Variants in TMEM245 observed in about 807,000 individuals in gnomAD.
TMEM245 encodes protein CG-2.
TMEM245 carries 69 observed loss-of-function variants against 101.2 expected under a neutral mutation model. The observed-to-expected ratio is 0.68, with a 90% confidence interval of 0.56 to 0.83. TMEM245 has a LOEUF of 0.83. Ranked by LOEUF, TMEM245 falls within the 40% of genes least tolerant of loss-of-function variation. TMEM245 has a pLI of 0.00. For synonymous variants in TMEM245, 537 were observed against 449.8 expected (o/e 1.19, Z -2.45); for missense variants, 1,075 against 1,092.8 (o/e 0.98, Z 0.23).
chr9:109,020,809 A>G (rs191624702), intron 17 of TMEM245, among the ~76,000 whole-genome samples: 129 of 152,348 alleles, frequency 8.5e-4, no homozygotes, highest in Non-Finnish European at 9.0e-4. Context: ...GTTCCTTAAA[A>G]GAGAAGAGCA....
intron 9 of TMEM245, among the ~76,000 whole-genome samples, chr9:109,072,294 A>C (rs1488339488): frequency 6.6e-6 from 1 of 152,198 alleles, no homozygotes; most frequent in East Asian, 1.9e-4. Context: ...GCAGGCTCCT[A>C]GTTAAGCCCG....
At chr9:109,085,202 C>T (rs1408955411) in intron 7 of TMEM245, among the ~76,000 whole-genome samples, 1 of 152,192 alleles carries the variant, frequency 6.6e-6, no homozygotes, top group Non-Finnish European at 1.5e-5. Flanking sequence ...AATTCCTGGG[C>T]TCAAACAATC....
At chr9:109,061,772 T>A (rs1829021446) in intron 10 of TMEM245, among the ~76,000 whole-genome samples, 1 of 152,116 alleles carries the variant, frequency 6.6e-6, no homozygotes, top group South Asian at 2.1e-4. Flanking sequence ...TTTCACCATG[T>A]TGGCCAGGCT....
intron 7 of TMEM245, among the ~76,000 whole-genome samples, chr9:109,081,834 C>T (rs755115575): frequency 2.3e-4 from 35 of 152,186 alleles, no homozygotes; most frequent in Non-Finnish European, 4.1e-4. Context: ...CTGACATTAT[C>T]TTGCTATAAC....
intron 1 of TMEM245, among the ~76,000 whole-genome samples, chr9:109,111,991 G>A (rs1476326954): frequency 6.6e-6 from 1 of 152,030 alleles, no homozygotes; most frequent in African/African-American, 2.4e-5. Flanking sequence ...TTTGGCTTCT[G>A]GATTTTTTCC....
At chr9:109,112,626 G>C (rs1830596549) in intron 1 of TMEM245, among the ~76,000 whole-genome samples, 1 of 151,488 alleles carries the variant, frequency 6.6e-6, no homozygotes, top group Non-Finnish European at 1.5e-5. Flanking sequence ...AAAGAGCAAG[G>C]TACAGAGCTA....
intron 3 of TMEM245, among the ~76,000 whole-genome samples, chr9:109,099,697 G>A (rs1310668648): frequency 6.6e-6 from 1 of 152,180 alleles, no homozygotes; most frequent in Non-Finnish European, 1.5e-5. Context: ...AGATAACAAT[G>A]CTAGTGTACC....
In TMEM245 at chr9:109,119,413, G is replaced by A. The variant is rs1462410642; in HGVS notation, c.501C>T (p.Ser167=). 3 of 1,526,908 alleles carry A rather than the reference G, an allele frequency of 2.0e-6. No individual in the cohort carries two copies. Among genetic ancestry groups the A allele is most frequent in the Admixed American group, 2.0e-5 (1 of 50,140 alleles). The allele number at this position is 1,526,908 out of a possible 1,614,324, so 94.6% of individuals were successfully genotyped here. ...CCAGCAGCACCTGCACGCCCAAGTA[G>A]CTGCCGAGGCAGTAGAGGCCGTACA... ...PLLYGLYCLG[S]YLGVQVLLVH... Residue 167 remains serine (S), a synonymous_variant, in exon 1 of 18, where the codon AGC becomes AGT. Coordinates refer to ENST00000374586, the MANE Select transcript of TMEM245 (RefSeq NM_032012.4).
chr9:109,086,518 G>A (rs1829843216), intron 6 of TMEM245, among the ~76,000 whole-genome samples: 1 of 152,122 alleles, frequency 6.6e-6, no homozygotes, highest in African/African-American at 2.4e-5. Context: ...CTTACATAGA[G>A]CTCACTGTGT....
intron 9 of TMEM245, among the ~76,000 whole-genome samples, chr9:109,067,868 C>A (rs747684719): frequency 2.6e-5 from 4 of 152,186 alleles, no homozygotes; most frequent in Non-Finnish European, 4.4e-5. Flanking sequence ...TTATTCTTAA[C>A]TGTATCTTCT....
At chr9:109,082,643 A>G (rs1250075230) in intron 7 of TMEM245, among the ~76,000 whole-genome samples, 2 of 117,194 alleles carry the variant, frequency 1.7e-5, no homozygotes, top group Non-Finnish European at 3.7e-5. Flanking sequence ...AATAATGTAG[A>G]GCCTCTATTT....
At chr9:109,117,692 T>C (rs897285758) in intron 1 of TMEM245, among the ~76,000 whole-genome samples, 6 of 152,228 alleles carry the variant, frequency 3.9e-5, no homozygotes, top group African/African-American at 1.4e-4. Flanking sequence ...TTCAACTTCT[T>C]ACTCTAGCAT....
chr9:109,059,986 T>C (rs1374376050), intron 11 of TMEM245, among the ~76,000 whole-genome samples: 1 of 152,126 alleles, frequency 6.6e-6, no homozygotes, highest in Non-Finnish European at 1.5e-5. Context: ...TTGGGGCATA[T>C]TGGGTTAAAT....
At chr9:109,037,821 G>T (rs780741282) in intron 15 of TMEM245, among the ~76,000 whole-genome samples, 196 bp downstream of exon 15, 2 of 152,154 alleles carry the variant, frequency 1.3e-5, no homozygotes, top group Non-Finnish European at 2.9e-5. Flanking sequence ...GCTGGGTATG[G>T]TTCCAGCTGC....
chr9:109,036,502 C>T, intron 15 of TMEM245, 122 bp from the exon 16 acceptor site: 1 of 948,408 alleles, frequency 1.1e-6, no homozygotes. Context: ...TACTCACAAA[C>T]TCAAATATTA....
intron 1 of TMEM245, among the ~76,000 whole-genome samples, chr9:109,114,518 C>G (rs1830657525): frequency 6.6e-6 from 1 of 152,194 alleles, no homozygotes; most frequent in Non-Finnish European, 1.5e-5. Flanking sequence ...TGCCCAAGGT[C>G]ACAAAGTTAG....
At chr9:109,087,490 A>C (rs1191283038) in intron 5 of TMEM245, 148 bp from the exon 6 acceptor site, 1 of 781,936 alleles carries the variant, frequency 1.3e-6, no homozygotes, top group African/African-American at 1.8e-5. Context: ...GGTGGGACTC[A>C]AAGTACTCCC....
intron 9 of TMEM245, among the ~76,000 whole-genome samples, chr9:109,070,518 C>T (rs1192069250): frequency 6.6e-6 from 1 of 152,186 alleles, no homozygotes; most frequent in Non-Finnish European, 1.5e-5. Context: ...CTGAAACTGT[C>T]TACAGTTCAG....
At chr9:109,075,171 T>A (rs1829460390) in intron 8 of TMEM245, among the ~76,000 whole-genome samples, 1 of 152,228 alleles carries the variant, frequency 6.6e-6, no homozygotes, top group African/African-American at 2.4e-5. Context: ...GAGACCTATC[T>A]TACATTAACC....
Sources: allele counts gnomAD v4.1 joint callset (sites outside exome capture counted in the v4.1 genomes callset), GRCh38; gene constraint gnomAD v4.1.1; transcripts MANE v1.5; gene names NCBI Gene and HGNC (gene_info 2026-07-23, HGNC 2026-07-21).